Variants in NFIX observed in about 807,000 individuals in gnomAD.
NFIX encodes nuclear factor 1 X-type.
A neutral mutation model predicts 53.3 loss-of-function variants in NFIX; 2 were observed. That is an observed-to-expected ratio of 0.04 (90% confidence interval 0.02 to 0.12). The LOEUF is 0.12. Ranked by LOEUF, NFIX falls within the 10% of genes least tolerant of loss-of-function variation. The probability of loss-of-function intolerance (pLI) is 1.00; values close to 1 mark genes in which losing one functional copy is unlikely to be tolerated. For synonymous variants in NFIX, 244 were observed against 289.0 expected (o/e 0.84, Z 1.58); for missense variants, 310 against 674.5 (o/e 0.46, Z 5.99).
intron 1 of NFIX, among the ~76,000 whole-genome samples, chr19:13,016,572 G>A (rs1361845306): frequency 3.3e-5 from 3 of 91,650 alleles, no homozygotes; most frequent in African/African-American, 1.3e-4. Flanking sequence ...TACATTTTTT[G>A]TACGCTTGCC....
rs1220909140 is a variant in NFIX, at chr19:13,093,602, T to C, written c.1495-1033T>C. 6.6e-6 allele frequency among the ~76,000 whole-genome samples: 1 copy of C among 152,188 alleles called. No individual in the cohort carries two copies. Among genetic ancestry groups the C allele is most frequent in the African/African-American group, 2.4e-5 (1 of 41,438 alleles). Reference sequence around the variant, plus strand: ...GGCCTCAGGCAGGTCACGTACCCCCTCTGTGCCTAGCTTCCTGGTGGGGTC... The same window carrying C: ...GGCCTCAGGCAGGTCACGTACCCCCCCTGTGCCTAGCTTCCTGGTGGGGTC... On this transcript the variant is annotated intron_variant, in intron 10 of 10. Coordinates refer to ENST00000592199, the MANE Select transcript of NFIX (RefSeq NM_001365902.3). This position sits in a 1 kb window ranked among gnomAD's most constrained non-coding sequence, Gnocchi z 4.7.
At chr19:13,020,887 T>A (rs1260923922) in intron 1 of NFIX, among the ~76,000 whole-genome samples, 4 of 152,046 alleles carry the variant, frequency 2.6e-5, no homozygotes, top group African/African-American at 4.8e-5. Context: ...CCCACCTCTA[T>A]CCCTGACCCA....
chr19:13,046,100 C>T (rs542999639), intron 2 of NFIX, among the ~76,000 whole-genome samples: 1 of 152,276 alleles, frequency 6.6e-6, no homozygotes, highest in Non-Finnish European at 1.5e-5. Flanking sequence ...TAGGAAGCCT[C>T]CTTCCACCAT....
intron 2 of NFIX, among the ~76,000 whole-genome samples, chr19:13,053,451 A>T (rs980982361): frequency 6.6e-6 from 1 of 152,128 alleles, no homozygotes; most frequent in Non-Finnish European, 1.5e-5. Flanking sequence ...GGAAGGGGAG[A>T]GGAAATGTTC....
At position 13,045,984 on chromosome 19, in the gene NFIX, A is replaced by G. The variant is rs982963848; in HGVS notation, c.559+20432A>G. Among the ~76,000 whole-genome samples, 1 of 152,168 alleles carries G rather than the reference A, an allele frequency of 6.6e-6. No individual in the cohort carries two copies. The highest frequency in any genetic ancestry group is 1.5e-5 in the Non-Finnish European group (1 of 68,028). On this transcript the variant is annotated intron_variant, in intron 2 of 10. Transcript: ENST00000592199. The surrounding 1 kb of genome is among the most constrained non-coding windows in gnomAD (Gnocchi z 4.4). Reference sequence around the variant, plus strand: ...TCTCCAGCTTCCATCTTGCAAGGACACAGGCCCCACCCTGGCTTCTCCCCA... The same window carrying G: ...TCTCCAGCTTCCATCTTGCAAGGACGCAGGCCCCACCCTGGCTTCTCCCCA...
chr19:13,086,968 C>G (rs369033138), intron 8 of NFIX, among the ~76,000 whole-genome samples: 1 of 152,182 alleles, frequency 6.6e-6, no homozygotes, highest in Non-Finnish European at 1.5e-5. Context: ...TCCGGGTGCC[C>G]GGAAGGGCGG....
intron 2 of NFIX, among the ~76,000 whole-genome samples, chr19:13,062,388 G>A (rs184507158): frequency 6.6e-6 from 1 of 152,364 alleles, no homozygotes; most frequent in Non-Finnish European, 1.5e-5. Flanking sequence ...GGTCAGTGTA[G>A]CCATGGTTTG....
Position 13,095,904 on chromosome 19 carries a change from G to C in NFIX, c.*1255G>C, listed in dbSNP as rs1320252610. On this transcript the variant is annotated 3_prime_UTR_variant, in exon 11 of 11. Transcript: ENST00000592199. ...TGTCTTTACTCTTTATTTAGGGGTGGGGCATTCATTGTTTGGGTCTTTTGC... is the reference window on the plus strand; with the variant it reads ...TGTCTTTACTCTTTATTTAGGGGTGCGGCATTCATTGTTTGGGTCTTTTGC... 1 of 151,634 alleles carries C rather than the reference G, an allele frequency of 6.6e-6. No homozygotes were observed. The highest frequency in any genetic ancestry group is 1.9e-4 in the East Asian group (1 of 5,162). The allele number at this position is 151,634 out of a possible 1,614,324, so 9.4% of individuals were successfully genotyped here.
chr19:13,048,768 A>G (rs1190652713), intron 2 of NFIX, among the ~76,000 whole-genome samples: 2 of 152,134 alleles, frequency 1.3e-5, no homozygotes, highest in African/African-American at 4.8e-5. Flanking sequence ...ACATAATAAA[A>G]TTCAGTATTT....
chr19:13,046,423 T>A (rs1157344745), intron 2 of NFIX, among the ~76,000 whole-genome samples: 1 of 152,234 alleles, frequency 6.6e-6, no homozygotes, highest in African/African-American at 2.4e-5. Flanking sequence ...TTGTGAATTC[T>A]GCGTTTCACA....
Position 13,013,097 on chromosome 19 carries a change from C to T in NFIX, c.28-11924C>T, listed in dbSNP as rs2012461060. On this transcript the variant is annotated intron_variant, in intron 1 of 10. Coordinates refer to ENST00000592199, the MANE Select transcript of NFIX (RefSeq NM_001365902.3). This position sits in a 1 kb window ranked among gnomAD's most constrained non-coding sequence, Gnocchi z 5.9. ...AAACCTTTAAAAACCCAAAACCTCC[C>T]CTCCAAGTCCCTTTCGATCTACGCC... Among the ~76,000 whole-genome samples, 1 of 152,070 alleles carries T rather than the reference C, an allele frequency of 6.6e-6. No homozygotes were observed. Among genetic ancestry groups the T allele is most frequent in the East Asian group, 1.9e-4 (1 of 5,194 alleles).
chr19:13,007,607 C>T (rs2012097081), intron 1 of NFIX, among the ~76,000 whole-genome samples: 2 of 152,200 alleles, frequency 1.3e-5, no homozygotes, highest in African/African-American at 4.8e-5. Flanking sequence ...ATTCCTGCTT[C>T]CACTCCCCAG....
At position 13,021,298 on chromosome 19, in the gene NFIX, G is replaced by A. The variant is rs1052934247; in HGVS notation, c.28-3723G>A. On this transcript the variant is annotated intron_variant, in intron 1 of 10. Coordinates refer to ENST00000592199, the MANE Select transcript of NFIX (RefSeq NM_001365902.3). This position sits in a 1 kb window ranked among gnomAD's most constrained non-coding sequence, Gnocchi z 4.2. ...GCCTTCTGTACTCTCACCTCTAACC[G>A]TTTCTTTCAGGGATCAGCCATGAGC... Among the ~76,000 whole-genome samples, 2 of 152,002 alleles carry A rather than the reference G, an allele frequency of 1.3e-5. No homozygotes were observed. The highest frequency in any genetic ancestry group is 3.9e-4 in the East Asian group (2 of 5,184).
In NFIX at chr19:13,088,817, A is replaced by ATC. The variant is rs1599877504; in HGVS notation, c.1402+691_1402+692dup. On this transcript the variant is annotated intron_variant, in intron 9 of 10. Transcript: ENST00000592199. The surrounding 1 kb of genome is among the most constrained non-coding windows in gnomAD (Gnocchi z 5.9). ...AGGGCTGTGGGCTTTGGCTTACTTC[A>ATC]TCTCTCTCTCTGTCTCTCTTTCTTT... 6.7e-6 allele frequency among the ~76,000 whole-genome samples: 1 copy of ATC among 150,038 alleles called. No individual in the cohort carries two copies. The highest frequency in any genetic ancestry group is 1.5e-5 in the Non-Finnish European group (1 of 67,490).
Position 12,995,814 on chromosome 19 carries a change from G to C in NFIX, c.-24G>C. ...CCTCCCCTCGCCGCGGCCGGCCGCCGCGCTCCCGCCCGGGCGCCCAGCTAT... is the reference window on the plus strand; with the variant it reads ...CCTCCCCTCGCCGCGGCCGGCCGCCCCGCTCCCGCCCGGGCGCCCAGCTAT... On this transcript the variant is annotated 5_prime_UTR_variant, in exon 1 of 11. Coordinates refer to ENST00000592199, the MANE Select transcript of NFIX (RefSeq NM_001365902.3). 3 of 974,534 alleles carry C rather than the reference G, an allele frequency of 3.1e-6. No individual in the cohort carries two copies. The highest frequency in any genetic ancestry group is 3.6e-6 in the Non-Finnish European group (3 of 822,732). The allele number at this position is 974,534 out of a possible 1,614,324, so 60.4% of individuals were successfully genotyped here.
chr19:13,062,939 C>A (rs1441198281), intron 2 of NFIX, among the ~76,000 whole-genome samples: 1 of 152,220 alleles, frequency 6.6e-6, no homozygotes, highest in Non-Finnish European at 1.5e-5. Flanking sequence ...CTCCCACTTC[C>A]CCTTCCCCAC....
rs560078483 is a variant in NFIX at position 13,075,577 on chromosome 19, G to A, written c.861G>A (p.Glu287=). 3.1e-6 allele frequency: 5 copies of A among 1,613,732 alleles called. No individual in the cohort carries two copies. Among genetic ancestry groups the A allele is most frequent in the Middle Eastern group, 1.7e-4 (1 of 6,060 alleles). The change falls in exon 6 of 11, where the codon GAG becomes GAA. Residue 287 remains glutamate (E), a synonymous_variant. Transcript: ENST00000592199. The part of the protein sequence containing the change: ...RPKSIDDSEM[E]SPVDDVFYPG... ...AGTCCATCGATGACAGTGAGATGGA[G>A]AGCCCTGTTGATGACGTGTTCTATC...
At chr19:13,074,152 G>C in intron 5 of NFIX, 126 bp downstream of exon 5, 1 of 1,250,326 alleles carries the variant, frequency 8.0e-7, no homozygotes, top group Non-Finnish European at 1.1e-6. Context: ...CTCTCATTGA[G>C]GGCACTGGCT....
At chr19:13,056,926 T>A (rs965068867) in intron 2 of NFIX, among the ~76,000 whole-genome samples, 2 of 152,250 alleles carry the variant, frequency 1.3e-5, no homozygotes, top group African/African-American at 4.8e-5. Flanking sequence ...TTCCACCTGC[T>A]TGTTTCCTGG....
Sources: gnomAD v4.1 joint callset for allele counts (sites outside exome capture counted in the v4.1 genomes callset) on GRCh38, gnomAD v4.1.1 for gene constraint, Gnocchi (gnomAD v3.1) non-coding constraint, MANE v1.5 for transcripts, NCBI Gene and HGNC (gene_info 2026-07-23, HGNC 2026-07-21) for gene names.